Variants in QSER1 observed in about 807,000 individuals in gnomAD.
QSER1 encodes glutamine and serine rich 1.
QSER1 carries 49 observed loss-of-function variants against 158.5 expected under a neutral mutation model. The observed-to-expected ratio is 0.31, with a 90% CI of 0.25 to 0.39. The LOEUF is 0.39. QSER1 is among the 10% of genes least tolerant of loss of function. QSER1 has a pLI of 1.00. For synonymous variants in QSER1, 650 were observed against 715.5 expected (o/e 0.91, Z 1.46); for missense variants, 1,754 against 2,010.3 (o/e 0.87, Z 2.44).
At chr11:32,969,314 G>C (rs917823417) in intron 10 of QSER1, among the ~76,000 whole-genome samples, 171 bp downstream of exon 10, 2 of 152,066 alleles carry the variant, frequency 1.3e-5, no homozygotes, top group East Asian at 3.8e-4. Flanking sequence ...TTAATCACTT[G>C]CTTTTCTCCA....
chr11:32,940,828 G>A (rs551485236), intron 4 of QSER1, among the ~76,000 whole-genome samples: 89 of 152,006 alleles, frequency 5.9e-4, no homozygotes, highest in African/African-American at 2.0e-3. Flanking sequence ...GTCTGTGAAA[G>A]GTTTTTGCCT....
chr11:32,969,103 A>G lies in QSER1; in HGVS notation c.5165A>G (p.Lys1722Arg), dbSNP rs749512206. The stretch of plus-strand genomic sequence containing the variant: ...GATGGCATGCTAAATGATAACCGAA[A>G]GAGACTTCTTTTGAATCTTCATTTG... Reference protein sequence around the residue: ...KIDGMLNDNRKRLLLNLHLDQ... With the variant: ...KIDGMLNDNRRRLLLNLHLDQ... The change falls in exon 10 of 13, where the codon AAG (lysine) becomes AGG (arginine). Residue 1722 changes from lysine to arginine, a missense_variant. Lys to Arg is a conservative substitution (Grantham distance 26). Transcript: ENST00000650167. 2.0e-5 allele frequency: 32 copies of G among 1,598,902 alleles called. No homozygotes were observed. The East Asian group carries it at 7.0e-4, about 35-fold the overall frequency.
At chr11:32,937,945 C>T (rs1375894046) in intron 4 of QSER1, among the ~76,000 whole-genome samples, 1 of 152,146 alleles carries the variant, frequency 6.6e-6, no homozygotes, top group Non-Finnish European at 1.5e-5. Context: ...AGACATTATT[C>T]CAGACAGAAT....
intron 1 of QSER1, among the ~76,000 whole-genome samples, chr11:32,898,609 C>T (rs1851587132): frequency 6.6e-6 from 1 of 152,000 alleles, no homozygotes; most frequent in East Asian, 1.9e-4. Context: ...TTTCTTGAGA[C>T]AGGGTCTAAC....
chr11:32,946,878 C>T (rs530976893), intron 4 of QSER1, among the ~76,000 whole-genome samples: 222 of 152,180 alleles, frequency 1.5e-3, no homozygotes, highest in African/African-American at 5.1e-3. Context: ...TAGCAATCAG[C>T]GAGACTCCGT....
At chr11:32,972,306 T>A (rs1335424500) in intron 10 of QSER1, among the ~76,000 whole-genome samples, 1 of 152,132 alleles carries the variant, frequency 6.6e-6, no homozygotes. Flanking sequence ...ATAATCAAAC[T>A]AGTTAAATGT....
intron 10 of QSER1, 25 bp downstream of exon 10, chr11:32,969,168 G>A: frequency 7.4e-7 from 1 of 1,343,366 alleles, no homozygotes; most frequent in South Asian, 1.3e-5. Context: ...TGACTTATTA[G>A]CAAAACTCAA....
chr11:32,916,818 G>A (rs1008584846), intron 1 of QSER1, among the ~76,000 whole-genome samples: 2 of 149,070 alleles, frequency 1.3e-5, no homozygotes, highest in East Asian at 2.0e-4. Context: ...TCAGAGTCTC[G>A]CTCTGTTGCC....
Position 32,978,924 on chromosome 11 carries a change from T to C in QSER1, c.*2450T>C, listed in dbSNP as rs1853022935. ...GCAGGGATACATTCTGAGAAATGCA[T>C]TGTTAGGCAATTCCGTTGTGCGAAC... On this transcript the variant is annotated 3_prime_UTR_variant, in exon 13 of 13. Coordinates refer to ENST00000650167, the MANE Select transcript of QSER1 (RefSeq NM_001076786.3). 2 of 152,216 alleles carry C rather than the reference T, an allele frequency of 1.3e-5. No individual in the cohort carries two copies. Among genetic ancestry groups the C allele is most frequent in the African/African-American group, 4.8e-5 (2 of 41,468 alleles). The allele number at this position is 152,216 out of a possible 1,614,324, so 9.4% of individuals were successfully genotyped here.
At chr11:32,944,243 T>C (rs1392580209) in intron 4 of QSER1, among the ~76,000 whole-genome samples, 1 of 149,032 alleles carries the variant, frequency 6.7e-6, no homozygotes, top group East Asian at 2.0e-4. Flanking sequence ...CCTTCAGTTC[T>C]GCTCTGATTT....
At position 32,931,931 on chromosome 11, in the gene QSER1, C is replaced by G. The variant is rs1478848414; in HGVS notation, c.673C>G (p.His225Asp). ...NTTSNGILSH[H>D]DPLLQIKTSQ... The stretch of plus-strand genomic sequence containing the variant: ...TACATCAAATGGAATTTTAAGTCAT[C>G]ATGACCCTTTGCTACAAATCAAGAC... The change falls in exon 4 of 13, where the codon CAT (histidine) becomes GAT (aspartate). Residue 225 changes from histidine (H) to aspartate (D), a missense_variant. His to Asp is a moderately conservative substitution (Grantham distance 81, BLOSUM62 -1). Coordinates refer to ENST00000650167, the MANE Select transcript of QSER1 (RefSeq NM_001076786.3). 1 of 1,614,138 alleles carries G rather than the reference C, an allele frequency of 6.2e-7. No individual in the cohort carries two copies.
chr11:32,897,653 G>A (rs971118938), intron 1 of QSER1, among the ~76,000 whole-genome samples: 3 of 152,022 alleles, frequency 2.0e-5, no homozygotes, highest in South Asian at 2.1e-4. Flanking sequence ...TTTCTCCTGC[G>A]GACTCACATC....
chr11:32,966,149 A>G, intron 8 of QSER1, 151 bp from the exon 9 acceptor site: 1 of 791,584 alleles, frequency 1.3e-6, no homozygotes, highest in Non-Finnish European at 2.0e-6. Context: ...ACCAGCTTTG[A>G]GAACCTCAGA....
intron 4 of QSER1, among the ~76,000 whole-genome samples, chr11:32,947,154 G>C (rs528334055): frequency 6.6e-6 from 1 of 152,154 alleles, no homozygotes; most frequent in African/African-American, 2.4e-5. Flanking sequence ...AGATGAACCC[G>C]GTACCTCAGA....
chr11:32,931,682 A>G, intron 3 of QSER1, 61 bp from the exon 4 acceptor site: 1 of 1,324,628 alleles, frequency 7.5e-7, no homozygotes, highest in Non-Finnish European at 1.0e-6. Flanking sequence ...AGTCATTACT[A>G]TGAAAACATA....
chr11:32,934,311 A>G lies in QSER1; in HGVS notation c.3053A>G (p.His1018Arg). The G allele has an allele frequency of 1.2e-6, 2 of 1,613,956 alleles. No homozygotes were observed. Among genetic ancestry groups the G allele is most frequent in the Non-Finnish European group, 1.7e-6 (2 of 1,179,944 alleles). Residue 1018 changes from histidine to arginine, a missense_variant, in exon 4 of 13, where the codon CAT becomes CGT. Around this residue, in one of 2 missense-constraint regions of QSER1, gnomAD observed 1,707 missense variants for 1,919.6 expected, o/e 0.89. Coordinates refer to ENST00000650167, the MANE Select transcript of QSER1 (RefSeq NM_001076786.3). ...GTTGAAGATGGTGATTCTAAATCTC[A>G]TTTTCAGCAGTCATTAGATGTCAGG... Reference protein sequence around the residue: ...QAVEDGDSKSHFQQSLDVRHV... With the variant: ...QAVEDGDSKSRFQQSLDVRHV...
rs1385756824 is a variant in QSER1, at chr11:32,894,801, TA to T, written c.209+1469del. On this transcript the variant is annotated intron_variant, in intron 1 of 12. Transcript: ENST00000650167. ...TGCTGAAACCTTTCAGAAATAGCCA[TA>T]ATTTTGTATTACATACAAGTAAGCC... Among the ~76,000 whole-genome samples, 5 of 152,342 alleles carry T rather than the reference TA, an allele frequency of 3.3e-5. No individual in the cohort carries two copies. The East Asian group carries it at 9.6e-4, about 29-fold the overall frequency.
intron 7 of QSER1, 45 bp from the exon 8 acceptor site, chr11:32,957,824 A>T: frequency 6.9e-7 from 1 of 1,448,322 alleles, no homozygotes. Context: ...ATTTTAGTTT[A>T]ACAAGATTTC....
chr11:32,911,658 C>G lies in QSER1; in HGVS notation c.210-15499C>G, dbSNP rs572327228. ...GTGAGATCTGACAATTTAAAAGTGG[C>G]AGTTTCCCTTGCACTTGCTGTCTCT... On this transcript the variant is annotated intron_variant, in intron 1 of 12. Transcript: ENST00000650167. 1.1e-4 allele frequency among the ~76,000 whole-genome samples: 16 copies of G among 152,310 alleles called. No individual in the cohort carries two copies. The South Asian group carries it at 2.9e-3, about 28-fold the overall frequency.
Sources: allele counts gnomAD v4.1 joint callset (sites outside exome capture counted in the v4.1 genomes callset), GRCh38; gene constraint gnomAD v4.1.1; regional missense constraint gnomAD v4.1.1; transcripts MANE v1.5; gene names NCBI Gene and HGNC (gene_info 2026-07-23, HGNC 2026-07-21).